Variants in KRAS observed in about 807,000 individuals in gnomAD.
The protein encoded by KRAS is GTPase KRas.
KRAS carries 1 observed loss-of-function variant against 21.0 expected under a neutral mutation model. The ratio of observed to expected loss-of-function variants is 0.05; its 90% CI spans 0.02 to 0.23. The LOEUF (loss-of-function observed/expected upper bound fraction) is 0.23. KRAS is among the 10% of genes least tolerant of loss of function. The probability of loss-of-function intolerance (pLI) is 1.00; values close to 1 mark genes in which losing one functional copy is unlikely to be tolerated. For missense variants in KRAS, 107 were observed against 221.8 expected, an observed-to-expected ratio of 0.48 and a Z score of 3.29; for synonymous variants, 67 against 72.5, an observed-to-expected ratio of 0.92 and a Z score of 0.39.
At chr12:25,228,657 G>T (rs1246173951) in intron 2 of KRAS, among the ~76,000 whole-genome samples, 1 of 151,934 alleles carries the variant, frequency 6.6e-6, no homozygotes, top group African/African-American at 2.4e-5. Flanking sequence ...TTCTAATTTG[G>T]GATGATAAAA....
Position 25,206,720 on chromosome 12 carries a change from TCATAGTGATTTTTA to T in KRAS, c.*3061_*3074del, listed in dbSNP as rs559878882. On this transcript the variant is annotated 3_prime_UTR_variant, in exon 5 of 5. Coordinates refer to ENST00000311936, the MANE Select transcript of KRAS (RefSeq NM_004985.5). The stretch of plus-strand genomic sequence containing the variant: ...GTAGTTTCACATAGCAATTCAGAAA[TCATAGTGATTTTTA>T]CATAGAAGTTTCCTTGTCTGTGAAC... 1.7e-4 allele frequency: 34 copies of T among 198,048 alleles called. No individual in the cohort carries two copies. In the South Asian group the frequency reaches 4.0e-3, roughly 23 times the overall value. The allele number at this position is 198,048 out of a possible 1,614,324, so 12.3% of individuals were successfully genotyped here.
chr12:25,229,852 T>A (rs1951442849), intron 2 of KRAS, among the ~76,000 whole-genome samples: 1 of 151,168 alleles, frequency 6.6e-6, no homozygotes, highest in African/African-American at 2.4e-5. Context: ...CACTACAACC[T>A]CTGCCTCCTG....
chr12:25,242,313 TCAAC>T (rs1951620526), intron 2 of KRAS, among the ~76,000 whole-genome samples: 1 of 152,202 alleles, frequency 6.6e-6, no homozygotes, highest in African/African-American at 2.4e-5. Context: ...TGGTAAGTGA[TCAAC>T]TAATCATTCT....
intron 2 of KRAS, among the ~76,000 whole-genome samples, chr12:25,232,120 C>T (rs145116931): frequency 6.6e-4 from 100 of 152,158 alleles, no homozygotes; most frequent in Admixed American, 1.5e-3. Context: ...CCCATGGTCA[C>T]TCAAACGCAT....
At chr12:25,218,017 C>G (rs1951274304) in intron 4 of KRAS, among the ~76,000 whole-genome samples, 1 of 152,030 alleles carries the variant, frequency 6.6e-6, no homozygotes, top group Non-Finnish European at 1.5e-5. Context: ...TAATAAGCAA[C>G]ATAAATAATT....
At chr12:25,250,647 C>T (rs1489921365) in intron 1 of KRAS, 104 bp downstream of exon 1, 1 of 170,612 alleles carries the variant, frequency 5.9e-6, no homozygotes, top group East Asian at 1.1e-4. Context: ...CCACCCGCCC[C>T]TCCGGGGACC....
At chr12:25,250,011 C>G (rs61759620) in intron 1 of KRAS, among the ~76,000 whole-genome samples, 149 of 152,232 alleles carry the variant, frequency 9.8e-4, no homozygotes, top group Non-Finnish European at 1.8e-3. Context: ...GTTCTTCCAC[C>G]ATCTCTACCT....
At chr12:25,225,286 T>TTATTTATATATA (rs1486092988) in intron 4 of KRAS, 25 of 10,608 alleles carry the variant, frequency 2.4e-3, no homozygotes, top group African/African-American at 5.5e-3. Context: ...GCCCTGTTCT[T>TTATTTATATATA]TATATATATA....
In KRAS at chr12:25,209,488, A is replaced by G. The variant is rs1141947; in HGVS notation, c.*307T>C. 3.9e-6 allele frequency: 5 copies of G among 1,285,424 alleles called. No homozygotes were observed. In the East Asian group the frequency reaches 1.2e-4, roughly 30 times the overall value. The allele number at this position is 1,285,424 out of a possible 1,614,324, so 79.6% of individuals were successfully genotyped here. ...AATTTGTTTCACACCAACATTCACA[A>G]TTGGTAAGAAAAATAAGAAGTAATC... On this transcript the variant is annotated 3_prime_UTR_variant, in exon 5 of 5. Coordinates refer to ENST00000311936, the MANE Select transcript of KRAS (RefSeq NM_004985.5).
intron 4 of KRAS, among the ~76,000 whole-genome samples, chr12:25,214,635 G>A (rs1049338368): frequency 2.6e-5 from 4 of 152,142 alleles, no homozygotes; most frequent in African/African-American, 9.6e-5. Flanking sequence ...GTGATCACCC[G>A]CCTAGGCCTC....
chr12:25,220,064 G>A (rs953036775), intron 4 of KRAS, among the ~76,000 whole-genome samples: 3 of 152,142 alleles, frequency 2.0e-5, no homozygotes, highest in South Asian at 2.1e-4. Flanking sequence ...CAGATACCCC[G>A]AAAACTCTGC....
intron 2 of KRAS, among the ~76,000 whole-genome samples, chr12:25,243,821 A>C (rs1030599553): frequency 1.3e-5 from 2 of 152,234 alleles, no homozygotes; most frequent in African/African-American, 4.8e-5. Context: ...ACCTCTTCAA[A>C]GAAACAAAAC....
At chr12:25,230,887 T>C (rs1366685716) in intron 2 of KRAS, among the ~76,000 whole-genome samples, 1 of 152,118 alleles carries the variant, frequency 6.6e-6, no homozygotes, top group African/African-American at 2.4e-5. Context: ...TCAGTTGACA[T>C]TTACTTAATT....
chr12:25,208,242 T>C lies in KRAS; in HGVS notation c.*1553A>G, dbSNP rs1321701319. 8.6e-6 allele frequency: 2 copies of C among 232,990 alleles called. No individual in the cohort carries two copies. The highest frequency in any genetic ancestry group is 1.7e-5 in the Non-Finnish European group (2 of 117,794). The allele number at this position is 232,990 out of a possible 1,614,324, so 14.4% of individuals were successfully genotyped here. On this transcript the variant is annotated 3_prime_UTR_variant, in exon 5 of 5. Transcript: ENST00000311936. The stretch of plus-strand genomic sequence containing the variant: ...TGGATAGTAAGTGATGTCCTCAAAA[T>C]CAGAGTCCTAAAAGACACCTATCTA...
intron 4 of KRAS, chr12:25,215,089 A>C: frequency 4.0e-6 from 1 of 249,396 alleles, no homozygotes; most frequent in African/African-American, 3.3e-5. Flanking sequence ...TTTTCTCCCT[A>C]CTAAAAAAAA....
At chr12:25,241,058 T>C (rs1045440732) in intron 2 of KRAS, among the ~76,000 whole-genome samples, 2 of 152,204 alleles carry the variant, frequency 1.3e-5, no homozygotes, top group African/African-American at 4.8e-5. Context: ...AGAGCCACAC[T>C]GCTGCCTTTT....
At chr12:25,215,445 A>G in intron 4 of KRAS, 1 of 1,613,130 alleles carries the variant, frequency 6.2e-7, no homozygotes, top group East Asian at 2.2e-5. Flanking sequence ...ACCAGATTAC[A>G]TTATAATGCA....
rs1300584579 is a variant in KRAS, at chr12:25,207,733, T to C, written c.*2062A>G. The C allele has an allele frequency of 8.6e-6, 2 of 232,496 alleles. No homozygotes were observed. The highest frequency in any genetic ancestry group is 4.4e-5 in the African/African-American group (2 of 45,302). 14.4% of individuals were successfully genotyped at this position (232,496 alleles called of 1,614,324 possible). On this transcript the variant is annotated 3_prime_UTR_variant, in exon 5 of 5. Transcript: ENST00000311936. ...GAAAAATCCTACTGTCGCTAATGGA[T>C]TGGGCAGCAAAGAGATGTTCAAAGC...
intron 2 of KRAS, among the ~76,000 whole-genome samples, chr12:25,239,017 G>C (rs553339447): frequency 1.3e-5 from 2 of 152,178 alleles, no homozygotes; most frequent in Non-Finnish European, 1.5e-5. Context: ...TCCCACTACA[G>C]TGCAAGGCGC....
Sources: gnomAD v4.1 joint callset for allele counts (sites outside exome capture counted in the v4.1 genomes callset) on GRCh38, gnomAD v4.1.1 for gene constraint, MANE v1.5 for transcripts, NCBI Gene and HGNC (gene_info 2026-07-23, HGNC 2026-07-21) for gene names.